Variants in NAV2 observed in about 807,000 individuals in gnomAD.
NAV2 encodes the protein helicase, APC down-regulated 1.
Under a neutral mutation model 223.2 loss-of-function variants are expected in NAV2, and 54 were observed. The observed-to-expected ratio is 0.24, with a 90% CI of 0.19 to 0.30. The LOEUF (loss-of-function observed/expected upper bound fraction) is 0.30, where lower values mean the gene tolerates loss of function less well. Among genes scored for constraint, NAV2 ranks in the 10% least tolerant of loss-of-function variants. The pLI is 1.00. For synonymous variants in NAV2, 1,279 were observed against 1,239.3 expected, an observed-to-expected ratio of 1.03 and a Z score of -0.67; for missense variants, 2,806 against 3,147.5, an observed-to-expected ratio of 0.89 and a Z score of 2.60.
At chr11:19,893,907 T>C (rs1304502412) in intron 6 of NAV2, among the ~76,000 whole-genome samples, 2 of 152,224 alleles carry the variant, frequency 1.3e-5, no homozygotes, top group African/African-American at 2.4e-5. Flanking sequence ...AAAAATAATA[T>C]ATGCTTGTAA....
chr11:19,642,111 T>A (rs1385316992), intron 1 of NAV2, among the ~76,000 whole-genome samples: 1 of 152,176 alleles, frequency 6.6e-6, no homozygotes, highest in Non-Finnish European at 1.5e-5. Flanking sequence ...AGATGAAGAC[T>A]CCTCTCTGGG....
intron 11 of NAV2, among the ~76,000 whole-genome samples, chr11:20,019,943 A>G (rs2054349746): frequency 6.6e-6 from 1 of 151,780 alleles, no homozygotes; most frequent in African/African-American, 2.4e-5. Flanking sequence ...ACGGAACATG[A>G]GAAGTACAGG....
chr11:19,813,817 C>T (rs530181810), intron 1 of NAV2, among the ~76,000 whole-genome samples: 93 of 152,210 alleles, frequency 6.1e-4, no homozygotes, highest in African/African-American at 2.1e-3. Flanking sequence ...GGTTCCCGCT[C>T]GGGGTCAAAG....
chr11:19,518,858 TGA>T (rs1202296958), intron 1 of NAV2, among the ~76,000 whole-genome samples: 1 of 152,096 alleles, frequency 6.6e-6, no homozygotes, highest in African/African-American at 2.4e-5. Context: ...GCGGGGCCTT[TGA>T]GAGGTAATTA....
At chr11:19,981,525 AGTTT>A (rs1055627381) in intron 10 of NAV2, among the ~76,000 whole-genome samples, 3 of 152,206 alleles carry the variant, frequency 2.0e-5, no homozygotes, top group Non-Finnish European at 4.4e-5. Context: ...TGCTAAAATT[AGTTT>A]GTTTGTCCTT....
Position 19,879,923 on chromosome 11 carries a change from G to A in NAV2, c.566G>A (p.Arg189Gln), listed in dbSNP as rs763139152. Reference protein sequence around the residue: ...AILGLFFSLSRYKQQQQQPQK... With the variant: ...AILGLFFSLSQYKQQQQQPQK... ...CTAGGCCTCTTCTTCAGCCTCTCCC[G>A]ATACAAGCAGCAGCAGCAGCAGCCC... The change falls in exon 5 of 38, where the codon CGA becomes CAA. Residue 189 changes from arginine (R) to glutamine (Q), a missense_variant. Around this residue, in one of 4 missense-constraint regions of NAV2, gnomAD observed 1,167 missense variants for 1,180.5 expected, o/e 0.99. Coordinates refer to ENST00000349880, the MANE Select transcript of NAV2 (RefSeq NM_145117.5). 20 of 1,613,406 alleles carry A rather than the reference G, an allele frequency of 1.2e-5. No homozygotes were observed. The East Asian group carries it at 2.7e-4, about 22-fold the overall frequency.
chr11:19,884,077 T>C (rs1371932795), intron 5 of NAV2, among the ~76,000 whole-genome samples: 1 of 152,174 alleles, frequency 6.6e-6, no homozygotes, highest in Non-Finnish European at 1.5e-5. Flanking sequence ...ACACAAGCAT[T>C]CTTAGATAAT....
chr11:19,619,032 G>C (rs1388754869), intron 1 of NAV2, among the ~76,000 whole-genome samples: 1 of 147,826 alleles, frequency 6.8e-6, no homozygotes, highest in Non-Finnish European at 1.5e-5. Flanking sequence ...CCTTGTGATA[G>C]TTTGCTCAGA....
At chr11:19,548,638 G>A (rs2044582575) in intron 1 of NAV2, among the ~76,000 whole-genome samples, 2 of 151,740 alleles carry the variant, frequency 1.3e-5, no homozygotes, top group Admixed American at 6.6e-5. Flanking sequence ...GGAGGCCGAG[G>A]TGGGCGGATC....
intron 1 of NAV2, among the ~76,000 whole-genome samples, chr11:19,602,933 C>T (rs2046386129): frequency 6.6e-6 from 1 of 152,136 alleles, no homozygotes; most frequent in African/African-American, 2.4e-5. Context: ...ACCATTCGAC[C>T]CACTACAGTG....
At chr11:20,117,976 C>A (rs1263738194) in intron 37 of NAV2, among the ~76,000 whole-genome samples, 157 bp from the exon 38 acceptor site, 1 of 152,176 alleles carries the variant, frequency 6.6e-6, no homozygotes, top group Non-Finnish European at 1.5e-5. Flanking sequence ...GATTTGAACC[C>A]TAGAAGCCTG....
At chr11:19,669,871 C>T (rs1214140069) in intron 1 of NAV2, among the ~76,000 whole-genome samples, 2 of 152,224 alleles carry the variant, frequency 1.3e-5, no homozygotes, top group East Asian at 3.9e-4. Flanking sequence ...CTGGGTGATG[C>T]CCAGTGGGTC....
intron 10 of NAV2, among the ~76,000 whole-genome samples, chr11:19,968,698 G>T (rs1448739447): frequency 6.6e-6 from 1 of 152,210 alleles, no homozygotes; most frequent in South Asian, 2.1e-4. Context: ...AAAAAAGTCA[G>T]ATACCCCATT....
intron 1 of NAV2, among the ~76,000 whole-genome samples, chr11:19,567,068 T>C (rs2045290250): frequency 6.6e-6 from 1 of 152,232 alleles, no homozygotes; most frequent in Non-Finnish European, 1.5e-5. Context: ...TTCTGTAATA[T>C]TTATCCCTGC....
chr11:19,732,920 A>G (rs1206032075), intron 1 of NAV2, among the ~76,000 whole-genome samples: 1 of 152,170 alleles, frequency 6.6e-6, no homozygotes, highest in African/African-American at 2.4e-5. Context: ...CCTCATTTTT[A>G]TTATCTTATT....
intron 1 of NAV2, among the ~76,000 whole-genome samples, chr11:19,680,378 A>G (rs183307746): frequency 6.6e-6 from 1 of 152,168 alleles, no homozygotes; most frequent in Non-Finnish European, 1.5e-5. Context: ...TAACCGCCTG[A>G]GTAAAGACTC....
At chr11:19,936,989 T>G (rs2045960582) in intron 7 of NAV2, among the ~76,000 whole-genome samples, 1 of 152,004 alleles carries the variant, frequency 6.6e-6, no homozygotes, top group African/African-American at 2.4e-5. Context: ...AATACAAAAA[T>G]TAGCCTGGCG....
At chr11:20,077,942 A>T (rs1181897627) in intron 23 of NAV2, 51 bp from the exon 24 acceptor site, 1 of 1,441,256 alleles carries the variant, frequency 6.9e-7, no homozygotes, top group Non-Finnish European at 9.7e-7. Context: ...CTTCAGTTGA[A>T]CTCTGTACAG....
At chr11:19,697,360 G>C (rs2049374478) in intron 1 of NAV2, among the ~76,000 whole-genome samples, 1 of 151,996 alleles carries the variant, frequency 6.6e-6, no homozygotes, top group South Asian at 2.1e-4. Context: ...GGATCGTTGA[G>C]ACCCCAAGCC....
Sources: allele counts gnomAD v4.1 joint callset (sites outside exome capture counted in the v4.1 genomes callset), GRCh38; gene constraint gnomAD v4.1.1; regional missense constraint gnomAD v4.1.1; transcripts MANE v1.5; gene names NCBI Gene and HGNC (gene_info 2026-07-23, HGNC 2026-07-21).